Variants in FNDC1 observed in about 807,000 individuals in gnomAD.
FNDC1 encodes fibronectin type III domain-containing protein 1.
A neutral mutation model predicts 168.0 loss-of-function variants in FNDC1; 96 were observed. The observed-to-expected ratio is 0.57, with a 90% CI of 0.48 to 0.68. The LOEUF (loss-of-function observed/expected upper bound fraction) is 0.68, where lower values mean the gene tolerates loss of function less well. Among genes scored for constraint, FNDC1 ranks in the 30% least tolerant of loss-of-function variants. The probability of loss-of-function intolerance (pLI) is 0.00; values close to 1 mark genes in which losing one functional copy is unlikely to be tolerated. For synonymous variants in FNDC1, 1,099 were observed against 1,025.9 expected (o/e 1.07, Z -1.36); for missense variants, 2,587 against 2,482.1 (o/e 1.04, Z -0.90).
chr6:159,271,522 C>A lies in FNDC1; in HGVS notation c.*80C>A. ...CACTAGGGGCTGTGAGCAAAGACAG[C>A]CAGCGTGCTCAGCCCCGCTGCCCTA... On this transcript the variant is annotated 3_prime_UTR_variant, in exon 23 of 23. Transcript: ENST00000297267. The A allele has an allele frequency of 3.7e-6, 4 of 1,085,768 alleles. No individual in the cohort carries two copies. The highest frequency in any genetic ancestry group is 5.5e-6 in the Non-Finnish European group (4 of 725,358). The allele number at this position is 1,085,768 out of a possible 1,614,324, so 67.3% of individuals were successfully genotyped here.
rs1782680430 is a variant in FNDC1 at position 159,214,991 on chromosome 6, A to G, written c.507A>G (p.Ser169=). 1 of 1,614,062 alleles carries G rather than the reference A, an allele frequency of 6.2e-7. No individual in the cohort carries two copies. Among genetic ancestry groups the G allele is most frequent in the Admixed American group, 1.7e-5 (1 of 60,030 alleles). Residue 169 remains serine (S), a synonymous_variant, in exon 5 of 23, where the codon TCA becomes TCG. Transcript: ENST00000297267. ...CCTTGCGTGTGCGTGTCCGGTCCTC[A>G]GATGACAGGCTGTCCGTTGCGTGGA... ...NKPLRVRVRS[S]DDRLSVAWKA...
At chr6:159,210,866 CCCTCTCTTTCTTCTT>C (rs1256798567) in intron 4 of FNDC1, among the ~76,000 whole-genome samples, 1 of 152,190 alleles carries the variant, frequency 6.6e-6, no homozygotes, top group Non-Finnish European at 1.5e-5. Flanking sequence ...CCTTTCCCTG[CCCTCTCTTTCTTCTT>C]CCTCTCAGGC....
At chr6:159,253,822 G>A (rs1162278537) in intron 17 of FNDC1, among the ~76,000 whole-genome samples, 2 of 152,196 alleles carry the variant, frequency 1.3e-5, no homozygotes, top group African/African-American at 4.8e-5. Context: ...GGAAACGCAG[G>A]GTTCTGATGG....
Position 159,233,540 on chromosome 6 carries a change from G to A in FNDC1, c.3028G>A (p.Val1010Ile), listed in dbSNP as rs761851809. ...RAPQQQPPPP[V>I]ATSQHHPGPQ... ...CCCACAACAGCAGCCCCCTCCTCCC[G>A]TCGCCACGTCCCAGCACCACCCGGG... is the stretch of plus-strand genomic sequence containing the variant. Residue 1010 changes from valine to isoleucine, a missense_variant, in exon 11 of 23, where the codon GTC becomes ATC. Coordinates refer to ENST00000297267, the MANE Select transcript of FNDC1 (RefSeq NM_032532.3). This position sits in a 1 kb window ranked among gnomAD's most constrained non-coding sequence, Gnocchi z 4.6. 5.6e-6 allele frequency: 9 copies of A among 1,594,774 alleles called. No individual in the cohort carries two copies. The East Asian group carries it at 9.0e-5, about 16-fold the overall frequency.
intron 17 of FNDC1, among the ~76,000 whole-genome samples, chr6:159,254,065 C>G (rs1440686593): frequency 6.6e-6 from 1 of 152,222 alleles, no homozygotes; most frequent in Non-Finnish European, 1.5e-5. Context: ...GCTCCAGGGT[C>G]CAGTTCACCT....
intron 1 of FNDC1, among the ~76,000 whole-genome samples, chr6:159,178,616 TG>T (rs1198876252): frequency 2.0e-5 from 3 of 152,162 alleles, no homozygotes; most frequent in Non-Finnish European, 2.9e-5. Flanking sequence ...TTTATAATTT[TG>T]TCATTTTAAG....
intron 13 of FNDC1, 145 bp from the exon 14 acceptor site, chr6:159,239,372 C>G (rs902582292): frequency 3.0e-6 from 2 of 673,122 alleles, no homozygotes; most frequent in African/African-American, 3.6e-5. Flanking sequence ...GTGGAGCATA[C>G]TGATGCAATA....
In FNDC1 at chr6:159,231,799, T is replaced by C; in HGVS notation, c.1370-83T>C. 14 of 1,151,118 alleles carry C rather than the reference T, an allele frequency of 1.2e-5. No homozygotes were observed. The South Asian group carries it at 2.2e-4, about 18-fold the overall frequency. The allele number at this position is 1,151,118 out of a possible 1,614,324, so 71.3% of individuals were successfully genotyped here. ...ACTACTGATTTGAAATGCCTCCATA[T>C]GCTGTTTTAAATACTGTGTCTCACC... On this transcript the variant is annotated intron_variant, in intron 10 of 22. Coordinates refer to ENST00000297267, the MANE Select transcript of FNDC1 (RefSeq NM_032532.3).
chr6:159,266,068 G>A lies in FNDC1; in HGVS notation c.5285-16G>A. 4 of 1,613,060 alleles carry A rather than the reference G, an allele frequency of 2.5e-6. No individual in the cohort carries two copies. The South Asian group carries it at 3.3e-5, about 13-fold the overall frequency. On this transcript the variant is annotated splice_polypyrimidine_tract_variant and intron_variant, in intron 20 of 22. Transcript: ENST00000297267. The stretch of plus-strand genomic sequence containing the variant: ...TGGAGTGCTTACCCTTAGCAGGTGT[G>A]TTTTGTGTTGTCAAGGCGGTGAGCC...
At chr6:159,208,773 G>T (rs1267678750) in intron 4 of FNDC1, among the ~76,000 whole-genome samples, 1 of 151,976 alleles carries the variant, frequency 6.6e-6, no homozygotes, top group Non-Finnish European at 1.5e-5. Context: ...TTCCATGAAG[G>T]CCTAAGGTCA....
intron 4 of FNDC1, among the ~76,000 whole-genome samples, chr6:159,205,016 C>T (rs1782459227): frequency 6.6e-6 from 1 of 152,152 alleles, no homozygotes; most frequent in Non-Finnish European, 1.5e-5. Flanking sequence ...TGCCCTCCTG[C>T]TGGCTCTAGG....
At chr6:159,249,841 C>T (rs1251207661) in intron 16 of FNDC1, among the ~76,000 whole-genome samples, 2 of 152,230 alleles carry the variant, frequency 1.3e-5, no homozygotes, top group African/African-American at 4.8e-5. Flanking sequence ...CAAGCAACAG[C>T]TTAAACTAAT....
chr6:159,189,686 G>A (rs902201964), intron 1 of FNDC1, among the ~76,000 whole-genome samples: 2 of 152,234 alleles, frequency 1.3e-5, no homozygotes, highest in Admixed American at 6.5e-5. Flanking sequence ...GGCTGAGGCC[G>A]AATAGTATAA....
rs990281268 is a variant in FNDC1, at chr6:159,256,547, A to G, written c.5090A>G (p.Tyr1697Cys). The G allele has an allele frequency of 2.5e-6, 4 of 1,613,780 alleles. No homozygotes were observed. Among genetic ancestry groups the G allele is most frequent in the Non-Finnish European group, 3.4e-6 (4 of 1,179,814 alleles). ...VTGYLVYSAS[Y>C]EDFIRNKWST... ...GGTTACTTGGTTTACAGTGCATCCT[A>G]TGAAGACTTCATCAGGAACAAGTGG... The change falls in exon 18 of 23, where the codon TAT becomes TGT. Residue 1697 changes from tyrosine to cysteine, a missense_variant. Transcript: ENST00000297267.
chr6:159,175,375 CAGTCTT>C (rs1781740721), intron 1 of FNDC1, among the ~76,000 whole-genome samples: 1 of 152,132 alleles, frequency 6.6e-6, no homozygotes, highest in African/African-American at 2.4e-5. Context: ...ATCTAATACT[CAGTCTT>C]TGCGGTCCAG....
At chr6:159,228,418 T>C (rs1783001960) in intron 9 of FNDC1, among the ~76,000 whole-genome samples, 1 of 152,222 alleles carries the variant, frequency 6.6e-6, no homozygotes, top group Non-Finnish European at 1.5e-5. Flanking sequence ...ATCACAAATT[T>C]TTATAGACAA....
rs1562315806 is a variant in FNDC1 at position 159,269,285 on chromosome 6, T to TCC, written c.5569+1359_5569+1360insCC. On this transcript the variant is annotated intron_variant, in intron 22 of 22. Coordinates refer to ENST00000297267, the MANE Select transcript of FNDC1 (RefSeq NM_032532.3). The stretch of plus-strand genomic sequence containing the variant: ...CTATCTATCTATCTATCTATCTATC[T>TCC]ATCTATCCATCCATCCATCTATCCT... Among the ~76,000 whole-genome samples the TCC allele has an allele frequency of 4.8e-3, 227 of 47,076 alleles. 22 individuals carry two copies. Among genetic ancestry groups the TCC allele is most frequent in the Middle Eastern group, 0.033 (2 of 60 alleles). 30.9% of individuals were successfully genotyped at this position (47,076 alleles called of 152,430 possible).
intron 9 of FNDC1, 22 bp downstream of exon 9, chr6:159,226,602 C>G: frequency 6.5e-7 from 1 of 1,536,820 alleles, no homozygotes. Context: ...ACTCCCTAAA[C>G]TGTAAGATGC....
chr6:159,271,597 C>A lies in FNDC1; in HGVS notation c.*155C>A, dbSNP rs1777750769. ...CACTGGCCATTCTGGTCATCTCAGT[C>A]TGGAACTCAGTCCCACTTCTTGGCC... On this transcript the variant is annotated 3_prime_UTR_variant, in exon 23 of 23. Transcript: ENST00000297267. 8.3e-6 allele frequency: 5 copies of A among 602,312 alleles called. No individual in the cohort carries two copies. Among genetic ancestry groups the A allele is most frequent in the Non-Finnish European group, 1.5e-5 (5 of 328,720 alleles). The allele number at this position is 602,312 out of a possible 1,614,324, so 37.3% of individuals were successfully genotyped here.
Sources: allele counts gnomAD v4.1 joint callset (sites outside exome capture counted in the v4.1 genomes callset), GRCh38; gene constraint gnomAD v4.1.1; non-coding constraint Gnocchi (gnomAD v3.1); transcripts MANE v1.5; gene names NCBI Gene and HGNC (gene_info 2026-07-23, HGNC 2026-07-21).